The following INTS9 variants were observed in gnomAD, a reference collection of about 807,000 sequenced individuals.
The protein encoded by INTS9 is integrator complex subunit 9.
A neutral mutation model predicts 79.7 loss-of-function variants in INTS9; 55 were observed. The observed-to-expected ratio is 0.69, with a 90% confidence interval of 0.56 to 0.86. INTS9 has a LOEUF of 0.86. INTS9 is among the 40% of genes least tolerant of loss of function. The pLI is 0.00. For missense variants in INTS9, 721 were observed against 831.5 expected, an observed-to-expected ratio of 0.87 and a Z score of 1.64; for synonymous variants, 319 against 325.2, an observed-to-expected ratio of 0.98 and a Z score of 0.20.
At chr8:28,850,836 A>G (rs76408714) in intron 2 of INTS9, among the ~76,000 whole-genome samples, 2,693 of 152,348 alleles carry the variant, frequency 0.018, 49 homozygotes, top group South Asian at 0.072. Context: ...TGGAGAATGA[A>G]GCTAGTTTTC....
chr8:28,784,422 C>G (rs79366062), intron 11 of INTS9, among the ~76,000 whole-genome samples: 1 of 152,334 alleles, frequency 6.6e-6, no homozygotes, highest in African/African-American at 2.4e-5. Context: ...CTGTGTTTCA[C>G]TATGGCATTG....
intron 11 of INTS9, among the ~76,000 whole-genome samples, chr8:28,781,730 A>G (rs574792918): frequency 6.6e-6 from 1 of 152,330 alleles, no homozygotes; most frequent in African/African-American, 2.4e-5. Flanking sequence ...TGGAAAAGGC[A>G]AAACTATACA....
intron 10 of INTS9, among the ~76,000 whole-genome samples, chr8:28,788,227 C>T (rs1010003507): frequency 4.6e-5 from 7 of 152,184 alleles, no homozygotes; most frequent in African/African-American, 1.7e-4. Context: ...CTGGCACAGT[C>T]GTCAACTAAG....
chr8:28,819,608 G>C (rs943834159), intron 6 of INTS9, among the ~76,000 whole-genome samples: 4 of 152,204 alleles, frequency 2.6e-5, no homozygotes, highest in Non-Finnish European at 5.9e-5. Context: ...GTGGTGTGGT[G>C]CTGAAAAAAT....
At chr8:28,855,063 T>C (rs1808067083) in intron 2 of INTS9, among the ~76,000 whole-genome samples, 1 of 152,154 alleles carries the variant, frequency 6.6e-6, no homozygotes, top group Non-Finnish European at 1.5e-5. Flanking sequence ...GTTATTCACA[T>C]GGAACTTTGA....
chr8:28,806,492 G>C (rs1374762373), intron 8 of INTS9, among the ~76,000 whole-genome samples: 1 of 152,084 alleles, frequency 6.6e-6, no homozygotes, highest in Middle Eastern at 3.2e-3. Flanking sequence ...GAAATCAGTA[G>C]CTAAGCAAAG....
chr8:28,888,908 A>G (rs956476815), intron 1 of INTS9, among the ~76,000 whole-genome samples: 2 of 151,550 alleles, frequency 1.3e-5, no homozygotes, highest in Non-Finnish European at 2.9e-5. Flanking sequence ...TAAAAAATAA[A>G]CTTTTTTTTT....
chr8:28,861,003 C>T (rs1482840231), intron 1 of INTS9, among the ~76,000 whole-genome samples: 2 of 152,160 alleles, frequency 1.3e-5, no homozygotes, highest in Non-Finnish European at 2.9e-5. Flanking sequence ...AGGCCAAGAG[C>T]CAAGAAGTTG....
Position 28,769,976 on chromosome 8 carries a change from C to CAAA in INTS9, c.1712_1713insTTT (p.Val571_Ser572insLeu), listed in dbSNP as rs1563235697. On this transcript the variant is annotated inframe_insertion, in exon 16 of 17. Coordinates refer to ENST00000521022, the MANE Select transcript of INTS9 (RefSeq NM_018250.4). ...CTTTGCAGTCTGGTACGTCATCGCT[C>CAAA]ACCCGCTTTCTCTTCTTCCCGCTCG... The CAAA allele has an allele frequency of 5.6e-6, 9 of 1,614,222 alleles. No homozygotes were observed. Among genetic ancestry groups the CAAA allele is most frequent in the Non-Finnish European group, 7.6e-6 (9 of 1,180,052 alleles).
chr8:28,853,547 T>C (rs1451130004), intron 2 of INTS9, among the ~76,000 whole-genome samples: 1 of 152,124 alleles, frequency 6.6e-6, no homozygotes, highest in African/African-American at 2.4e-5. Flanking sequence ...GAAAAAAGGA[T>C]ACCATTAAAA....
chr8:28,827,048 T>C (rs1233700521), intron 6 of INTS9, among the ~76,000 whole-genome samples: 2 of 152,204 alleles, frequency 1.3e-5, no homozygotes, highest in African/African-American at 4.8e-5. Context: ...TATGCTTACT[T>C]GAGGTCCTAA....
At chr8:28,836,378 A>G (rs1806807740) in intron 5 of INTS9, among the ~76,000 whole-genome samples, 1 of 152,198 alleles carries the variant, frequency 6.6e-6, no homozygotes, top group Admixed American at 6.5e-5. Context: ...GAGGATGACC[A>G]CAAAGGTAGA....
At chr8:28,814,979 T>C (rs751968220) in intron 6 of INTS9, among the ~76,000 whole-genome samples, 8 of 152,330 alleles carry the variant, frequency 5.3e-5, no homozygotes, top group Non-Finnish European at 1.0e-4. Context: ...GTTTTTTTAA[T>C]CGTTCAACTC....
Position 28,778,087 on chromosome 8 carries a change from C to T in INTS9, c.1271-134G>A, listed in dbSNP as rs370956795. The T allele has an allele frequency of 8.7e-5, 86 of 986,686 alleles. 1 individual carries two copies. The African/African-American group carries it at 1.2e-3, about 14-fold the overall frequency. 61.1% of individuals were successfully genotyped at this position (986,686 alleles called of 1,614,324 possible). ...GGAGCCAGGAAGCACACGTGGGGGACGGAGGTCAAAGGGGCCCCGTGGAAG... is the reference window on the plus strand; with the variant it reads ...GGAGCCAGGAAGCACACGTGGGGGATGGAGGTCAAAGGGGCCCCGTGGAAG... On this transcript the variant is annotated intron_variant, in intron 12 of 16. Coordinates refer to ENST00000521022, the MANE Select transcript of INTS9 (RefSeq NM_018250.4).
chr8:28,885,354 G>T (rs140340124), intron 1 of INTS9, among the ~76,000 whole-genome samples: 3 of 152,276 alleles, frequency 2.0e-5, no homozygotes, highest in Admixed American at 2.0e-4. Context: ...GAGCGCCATG[G>T]ATTCTGAGGC....
intron 1 of INTS9, among the ~76,000 whole-genome samples, chr8:28,868,450 GT>G (rs200079512): frequency 5.4e-4 from 80 of 148,912 alleles, no homozygotes; most frequent in African/African-American, 1.3e-3. Context: ...TAAAGAAACT[GT>G]TTTTTTTTTA....
At chr8:28,886,667 G>T (rs1420297351) in intron 1 of INTS9, among the ~76,000 whole-genome samples, 1 of 152,036 alleles carries the variant, frequency 6.6e-6, no homozygotes, top group Non-Finnish European at 1.5e-5. Context: ...CATGGTGCAG[G>T]GTGCTAGAGT....
At chr8:28,804,001 G>A (rs1166053207) in intron 8 of INTS9, among the ~76,000 whole-genome samples, 2 of 152,080 alleles carry the variant, frequency 1.3e-5, no homozygotes, top group African/African-American at 4.8e-5. Context: ...ACAGCTCACT[G>A]CAGCCTCAAC....
chr8:28,827,282 C>T (rs931342695), intron 6 of INTS9, among the ~76,000 whole-genome samples: 5 of 152,148 alleles, frequency 3.3e-5, no homozygotes, highest in African/African-American at 1.2e-4. Context: ...AACTTCTTTC[C>T]CAGGGCTCTG....
Sources: gnomAD v4.1 joint callset for allele counts (sites outside exome capture counted in the v4.1 genomes callset) on GRCh38, gnomAD v4.1.1 for gene constraint, MANE v1.5 for transcripts, NCBI Gene and HGNC (gene_info 2026-07-23, HGNC 2026-07-21) for gene names.